The following SMG1 variants were observed in gnomAD, a reference collection of about 807,000 sequenced individuals.
SMG1 encodes SMG1 nonsense mediated mRNA decay associated PI3K related kinase.
Under a neutral mutation model 419.9 loss-of-function variants are expected in SMG1, and 22 were observed. That is an observed-to-expected ratio of 0.05 (90% CI 0.04 to 0.07). The LOEUF is 0.07. SMG1 is among the 10% of genes least tolerant of loss of function. SMG1 has a pLI of 1.00. For missense variants in SMG1, 3,185 were observed against 4,342.0 expected, an observed-to-expected ratio of 0.73 and a Z score of 7.49; for synonymous variants, 1,538 against 1,553.5, an observed-to-expected ratio of 0.99 and a Z score of 0.23.
rs532830043 is a variant in SMG1 at position 18,854,809 on chromosome 16, G to T, written c.4330C>A (p.Leu1444Met). 99 of 1,614,022 alleles carry T rather than the reference G, an allele frequency of 6.1e-5. 1 individual carries two copies. In the South Asian group the frequency reaches 1.1e-3, roughly 17 times the overall value. The change falls in exon 30 of 63, where the codon CTG becomes ATG. Residue 1444 changes from leucine (L) to methionine (M), a missense_variant. Transcript: ENST00000446231. The part of the protein sequence containing the change: ...KRGNVSLATR[L>M]LAQCSEVQLG... ...TGAACTTCACTGCACTGTGCCAGCA[G>T]TCTTGTTGCAAGGGACACATTCCCT...
chr16:18,921,312 C>G (rs2038191816), intron 1 of SMG1, among the ~76,000 whole-genome samples: 1 of 152,148 alleles, frequency 6.6e-6, no homozygotes, highest in Non-Finnish European at 1.5e-5. Context: ...CACCACTGCA[C>G]TCCAGCCTGG....
intron 11 of SMG1, chr16:18,877,452 G>A (rs553885839): frequency 2.5e-6 from 1 of 405,584 alleles, no homozygotes; most frequent in East Asian, 4.1e-5. Flanking sequence ...GTGGGGAGAG[G>A]GAACGAGGAA....
intron 11 of SMG1, chr16:18,877,824 C>T (rs1022631543): frequency 6.6e-6 from 1 of 152,130 alleles, no homozygotes; most frequent in African/African-American, 2.4e-5. Flanking sequence ...CTAAATAGGA[C>T]ACACGTATTT....
chr16:18,809,424 G>A lies in SMG1; in HGVS notation c.*145C>T. ...GCTGTCCTGCGGGATTCACTTCCTAGTGCACCGAGATTTCCTAGGTTTCCT... is the reference window on the plus strand; with the variant it reads ...GCTGTCCTGCGGGATTCACTTCCTAATGCACCGAGATTTCCTAGGTTTCCT... On this transcript the variant is annotated 3_prime_UTR_variant, in exon 63 of 63. Transcript: ENST00000446231. 1.5e-6 allele frequency: 1 copy of A among 663,044 alleles called. No homozygotes were observed. The highest frequency in any genetic ancestry group is 1.7e-5 in the South Asian group (1 of 57,298). The allele number at this position is 663,044 out of a possible 1,614,324, so 41.1% of individuals were successfully genotyped here.
chr16:18,835,074 G>A lies in SMG1; in HGVS notation c.8148C>T (p.Asp2716=). 6.2e-7 allele frequency: 1 copy of A among 1,613,952 alleles called. No individual in the cohort carries two copies. The highest frequency in any genetic ancestry group is 8.5e-7 in the Non-Finnish European group (1 of 1,179,866). ...CTTGTCTAATAAGTCTGCTGTTGAT[G>A]TCTGCTGCGTATCGCTGCAGGGTCA... ...TEMTLQRYAA[D]INSRLIRQVE... Residue 2716 remains aspartate (D), a synonymous_variant, in exon 49 of 63, where the codon GAC becomes GAT. Coordinates refer to ENST00000446231, the MANE Select transcript of SMG1 (RefSeq NM_015092.5).
At chr16:18,812,938 C>T (rs1011362784) in intron 60 of SMG1, among the ~76,000 whole-genome samples, 3 of 151,964 alleles carry the variant, frequency 2.0e-5, no homozygotes, top group South Asian at 2.1e-4. Context: ...TTTGTCCCTG[C>T]GATAGTTTGC....
intron 42 of SMG1, among the ~76,000 whole-genome samples, chr16:18,839,131 C>A (rs1359738868): frequency 6.6e-6 from 1 of 152,078 alleles, no homozygotes; most frequent in African/African-American, 2.4e-5. Context: ...CAGATGTGAG[C>A]CACTGTGCCT....
Position 18,829,954 on chromosome 16 carries a change from G to C in SMG1, c.9105C>G (p.Leu3035=), listed in dbSNP as rs764017506. ...ACAATGTTTTAGAAAAGGTACCACA[G>C]AGCCTGAAGAACTCCTTAATAGTCT... ...RLQTIKEFFR[L]CGTFSKTLSG... Residue 3035 remains leucine (L), a synonymous_variant, in exon 53 of 63, where the codon CTC becomes CTG. Transcript: ENST00000446231. The C allele has an allele frequency of 2.5e-6, 4 of 1,570,172 alleles. No individual in the cohort carries two copies. Among genetic ancestry groups the C allele is most frequent in the Non-Finnish European group, 3.4e-6 (4 of 1,161,044 alleles).
At chr16:18,909,796 C>T (rs2037719747) in intron 1 of SMG1, among the ~76,000 whole-genome samples, 1 of 152,162 alleles carries the variant, frequency 6.6e-6, no homozygotes, top group Admixed American at 6.5e-5. Context: ...CCATGCTCAG[C>T]AGTAGCCAGA....
chr16:18,813,446 C>T (rs2031672300), intron 60 of SMG1, among the ~76,000 whole-genome samples: 1 of 152,254 alleles, frequency 6.6e-6, no homozygotes, highest in East Asian at 1.9e-4. Context: ...TTTCATGTGT[C>T]TGTTGGCTGC....
Position 18,834,350 on chromosome 16 carries a change from C to T in SMG1, c.8419G>A (p.Glu2807Lys), listed in dbSNP as rs774614418. 1 of 1,613,800 alleles carries T rather than the reference C, an allele frequency of 6.2e-7. No homozygotes were observed. The highest frequency in any genetic ancestry group is 1.7e-5 in the Admixed American group (1 of 60,008). Residue 2807 changes from glutamate (E) to lysine (K), a missense_variant, in exon 50 of 63, where the codon GAA becomes AAA. Around this residue, in one of 27 missense-constraint regions of SMG1, gnomAD observed 412 missense variants for 546.6 expected, o/e 0.75. Coordinates refer to ENST00000446231, the MANE Select transcript of SMG1 (RefSeq NM_015092.5). ...TSRDGAWFLEELCSMSGNVTC... is the reference protein window; with the variant it reads ...TSRDGAWFLEKLCSMSGNVTC... The stretch of plus-strand genomic sequence containing the variant: ...ACGTTTCCGCTCATACTGCAGAGTT[C>T]CTCCAAGAACCAGGCTCCATCCCGA...
chr16:18,899,975 T>C lies in SMG1; in HGVS notation c.93-3019A>G, dbSNP rs181438993. The C allele has an allele frequency of 3.5e-5, 53 of 1,500,692 alleles. No homozygotes were observed. In the East Asian group the frequency reaches 7.6e-4, roughly 22 times the overall value. 93.0% of individuals were successfully genotyped at this position (1,500,692 alleles called of 1,614,324 possible). A position where few individuals can be genotyped will look rare whatever the true frequency, so the allele number is the denominator to read the frequency against. ...ACATGCCACATGAGAGGTAAGTTTCTAAAGCTCATACCTCAAAAATCGCAT... is the reference window on the plus strand; with the variant it reads ...ACATGCCACATGAGAGGTAAGTTTCCAAAGCTCATACCTCAAAAATCGCAT... On this transcript the variant is annotated intron_variant, in intron 1 of 62. Coordinates refer to ENST00000446231, the MANE Select transcript of SMG1 (RefSeq NM_015092.5).
intron 11 of SMG1, chr16:18,878,996 T>A (rs1484787411): frequency 5.0e-6 from 1 of 201,010 alleles, no homozygotes; most frequent in Admixed American, 5.3e-5. Flanking sequence ...TGCAACAGAG[T>A]GAGACCCTGT....
At position 18,806,885 on chromosome 16, in the gene SMG1, A is replaced by G. The variant is rs777924199; in HGVS notation, c.*2684T>C. On this transcript the variant is annotated 3_prime_UTR_variant, in exon 63 of 63. Transcript: ENST00000446231. The stretch of plus-strand genomic sequence containing the variant: ...AGTCTAACTGCTGAGGTCTCTTACG[A>G]AAGTTCAAATGGCAAGTCACCTTGT... 8 of 152,238 alleles carry G rather than the reference A, an allele frequency of 5.3e-5. No homozygotes were observed. The highest frequency in any genetic ancestry group is 2.9e-5 in the Non-Finnish European group (2 of 68,042). 9.4% of individuals were successfully genotyped at this position (152,238 alleles called of 1,614,324 possible).
intron 1 of SMG1, among the ~76,000 whole-genome samples, chr16:18,912,564 T>C (rs1250575060): frequency 6.6e-6 from 1 of 152,114 alleles, no homozygotes; most frequent in Middle Eastern, 3.4e-3. Flanking sequence ...ACAATGAAAA[T>C]GTAGAGAGCA....
chr16:18,835,733 G>A (rs548356481), intron 48 of SMG1, among the ~76,000 whole-genome samples, 200 bp downstream of exon 48: 28 of 152,192 alleles, frequency 1.8e-4, no homozygotes, highest in African/African-American at 4.6e-4. Flanking sequence ...GTGAAACCCC[G>A]TCTGTACTAA....
intron 1 of SMG1, among the ~76,000 whole-genome samples, chr16:18,910,755 A>G (rs551838506): frequency 2.6e-5 from 4 of 152,158 alleles, no homozygotes; most frequent in African/African-American, 9.6e-5. Flanking sequence ...CCACCCCCTC[A>G]AGTACTTAAA....
rs2033417772 is a variant in SMG1 at position 18,834,429 on chromosome 16, C to T, written c.8340G>A (p.Leu2780=). The change falls in exon 50 of 63, where the codon CTG becomes CTA. Residue 2780 remains leucine (L), a synonymous_variant. Coordinates refer to ENST00000446231, the MANE Select transcript of SMG1 (RefSeq NM_015092.5). ...CACTTGACGCTGCACCTTCCATCAT[C>T]AGGTTACGCCTACAAGAGATAAATA... ...SALCTLTRRN[L]MMEGAASSAG... The T allele has an allele frequency of 6.2e-7, 1 of 1,613,180 alleles. No individual in the cohort carries two copies. The highest frequency in any genetic ancestry group is 1.7e-5 in the Admixed American group (1 of 59,886).
At chr16:18,889,794 T>A (rs2036797700) in intron 5 of SMG1, among the ~76,000 whole-genome samples, 1 of 152,244 alleles carries the variant, frequency 6.6e-6, no homozygotes, top group Non-Finnish European at 1.5e-5. Flanking sequence ...TATTACTTTC[T>A]TTTTACAAAA....
Sources: allele counts gnomAD v4.1 joint callset (sites outside exome capture counted in the v4.1 genomes callset), GRCh38; gene constraint gnomAD v4.1.1; regional missense constraint gnomAD v4.1.1; transcripts MANE v1.5; gene names NCBI Gene and HGNC (gene_info 2026-07-23, HGNC 2026-07-21).